The following TAS2R10 variants were observed in gnomAD, a reference collection of about 807,000 sequenced individuals.
TAS2R10 encodes the protein taste receptor type 2 member 10.
For missense variants in TAS2R10, 385 were observed against 362.0 expected, an observed-to-expected ratio of 1.06 and a Z score of -0.52; for synonymous variants, 144 against 126.6, an observed-to-expected ratio of 1.14 and a Z score of -0.92.
rs76754378 is a variant in TAS2R10 at position 10,825,579 on chromosome 12, A to G, written c.691T>C (p.Ser231Pro). ...TACAAGATAAAGAGGATGATGAAAG[A>G]TATCAAAACTTTCATTGCCTTCACA... is the stretch of plus-strand genomic sequence containing the variant. Residue 231 changes from serine (S) to proline (P), a missense_variant, in exon 1 of 1, where the codon TCT becomes CCT. Ser to Pro is a moderately conservative substitution (Grantham distance 74, BLOSUM62 -1). Transcript: ENST00000240619. The G allele has an allele frequency of 1.5e-4, 250 of 1,613,620 alleles. 1 individual carries two copies. The African/African-American group carries it at 2.5e-3, about 16-fold the overall frequency.
In TAS2R10 at chr12:10,825,757, G is replaced by A. The variant is rs753376040; in HGVS notation, c.513C>T (p.Tyr171=). Residue 171 remains tyrosine (Y), a synonymous_variant, in exon 1 of 1, where the codon TAC becomes TAT. Coordinates refer to ENST00000240619, the Ensembl canonical transcript of TAS2R10. Reference sequence around the variant, plus strand: ...GATTTAGCAAAATCTGTTTAATAAAGTATTCACTTTTATACATGTTGAGAT... The same window carrying A: ...GATTTAGCAAAATCTGTTTAATAAAATATTCACTTTTATACATGTTGAGAT... 29 of 1,613,106 alleles carry A rather than the reference G, an allele frequency of 1.8e-5. No individual in the cohort carries two copies. In the South Asian group the frequency reaches 3.0e-4, roughly 16 times the overall value.
Position 10,826,242 on chromosome 12 carries a change from T to C in TAS2R10, c.28A>G (p.Ile10Val), listed in dbSNP as rs1387971623. 3.1e-6 allele frequency: 5 copies of C among 1,610,766 alleles called. No individual in the cohort carries two copies. The Admixed American group carries it at 5.0e-5, about 16-fold the overall frequency. The change falls in exon 1 of 1, where the codon ATT (isoleucine) becomes GTT (valine). Residue 10 changes from isoleucine (I) to valine (V), a missense_variant. Transcript: ENST00000240619. Reference sequence around the variant, plus strand: ...ACTGACTCACTAACTACAACAAAAATGAAGATGCCTTCCACTACACGTAGC... The same window carrying C: ...ACTGACTCACTAACTACAACAAAAACGAAGATGCCTTCCACTACACGTAGC...
At chr12:10,826,281 C>G in exon 1 of TAS2R10, 1 of 1,557,378 alleles carries the variant, frequency 6.4e-7, no homozygotes, top group South Asian at 1.2e-5. Flanking sequence ...TCTGCTAATT[C>G]TTAATATTGC....
At chr12:10,825,568 G>T in exon 1 of TAS2R10, 1 of 1,613,620 alleles carries the variant, frequency 6.2e-7, no homozygotes, top group Non-Finnish European at 8.5e-7. Flanking sequence ...AGATAAAGAG[G>T]ATGATGAAAG....
chr12:10,825,634 T>C (rs747906041), exon 1 of TAS2R10: 2 of 1,613,788 alleles, frequency 1.2e-6, no homozygotes. Flanking sequence ...CTCTCAATCC[T>C]GTCACATTCG....
At chr12:10,825,484 T>A in exon 1 of TAS2R10, 1 of 1,613,714 alleles carries the variant, frequency 6.2e-7, no homozygotes, top group Non-Finnish European at 8.5e-7. Flanking sequence ...TGGTTGTCAT[T>A]CCAAACATAA....
At position 10,825,968 on chromosome 12, in the gene TAS2R10, C is replaced by T. The variant is rs753973485; in HGVS notation, c.302G>A (p.Ser101Asn). ...CTTCAGGAAATAGAAGATGCTGAGG[C>T]TGGTGGCAAACCACATACTTGATTG... is the stretch of plus-strand genomic sequence containing the variant. The change falls in exon 1 of 1, where the codon AGC becomes AAC. Residue 101 changes from serine to asparagine, a missense_variant. Physicochemically the swap from Ser to Asn is conservative, Grantham distance 46. Coordinates refer to ENST00000240619, the Ensembl canonical transcript of TAS2R10. The T allele has an allele frequency of 6.2e-6, 10 of 1,613,536 alleles. No individual in the cohort carries two copies. In the South Asian group the frequency reaches 1.1e-4, roughly 18 times the overall value.
At chr12:10,825,428 T>A in exon 1 of TAS2R10, 1 of 1,613,664 alleles carries the variant, frequency 6.2e-7, no homozygotes, top group Non-Finnish European at 8.5e-7. Context: ...TAGCTTGCTG[T>A]TTCCTAGAAT....
exon 1 of TAS2R10, chr12:10,825,809 T>C (rs375833716): frequency 6.2e-7 from 1 of 1,611,756 alleles, no homozygotes; most frequent in African/African-American, 1.3e-5. Context: ...CTTCGTTTTA[T>C]AATCATTAAG....
chr12:10,826,283 T>C, exon 1 of TAS2R10: 1 of 1,556,730 alleles, frequency 6.4e-7, no homozygotes, highest in Non-Finnish European at 8.8e-7. Flanking sequence ...TGCTAATTCT[T>C]AATATTGCTT....
exon 1 of TAS2R10, chr12:10,825,606 G>A: frequency 6.2e-7 from 1 of 1,613,726 alleles, no homozygotes; most frequent in Non-Finnish European, 8.5e-7. Context: ...GCCTTCACAT[G>A]AGCTTCTGTG....
At chr12:10,825,332 T>A (rs377560890) in exon 1 of TAS2R10, 1 of 1,578,102 alleles carries the variant, frequency 6.3e-7, no homozygotes, top group Non-Finnish European at 8.6e-7. Context: ...AACATCCATC[T>A]CTTCCCAAGG....
chr12:10,826,089 T>C lies in TAS2R10; in HGVS notation c.181A>G (p.Ile61Val), dbSNP rs758654477. Residue 61 changes from isoleucine (I) to valine (V), a missense_variant, in exon 1 of 1, where the codon ATA becomes GTA. Ile to Val is a conservative substitution (Grantham distance 29). Coordinates refer to ENST00000240619, the Ensembl canonical transcript of TAS2R10. ...ATCTGTATAAATCCATCTGTAATTA[T>C]TATCCATATCAGAAAAATTCTTGAA... is the stretch of plus-strand genomic sequence containing the variant. 1.2e-6 allele frequency: 2 copies of C among 1,613,370 alleles called. No individual in the cohort carries two copies. Among genetic ancestry groups the C allele is most frequent in the Admixed American group, 3.3e-5 (2 of 59,874 alleles).
At chr12:10,826,155 T>C (rs752799013) in exon 1 of TAS2R10, 3 of 1,613,420 alleles carry the variant, frequency 1.9e-6, no homozygotes, top group South Asian at 2.2e-5. Flanking sequence ...GTAGATAACT[T>C]ATTCTTGGCA....
At chr12:10,825,402 T>A in exon 1 of TAS2R10, 1 of 1,613,502 alleles carries the variant, frequency 6.2e-7, no homozygotes, top group East Asian at 2.2e-5. Flanking sequence ...TGCAGTACCC[T>A]CAAAGAGGCT....
exon 1 of TAS2R10, chr12:10,825,877 G>A (rs1304841936): frequency 1.9e-6 from 3 of 1,613,140 alleles, no homozygotes; most frequent in East Asian, 2.2e-5. Context: ...ATACTATCAT[G>A]AAGGGAAGAA....
chr12:10,826,024 T>G, exon 1 of TAS2R10: 1 of 1,613,380 alleles, frequency 6.2e-7, no homozygotes. Flanking sequence ...AACTAATATA[T>G]TCAATTAGGT....
exon 1 of TAS2R10, chr12:10,825,665 C>G (rs1371833356): frequency 6.2e-7 from 1 of 1,613,586 alleles, no homozygotes; most frequent in East Asian, 2.2e-5. Context: ...CCTGTTGTGT[C>G]TCCAAAGGGA....
chr12:10,826,263 G>C (rs201235220), exon 1 of TAS2R10: 6 of 1,597,664 alleles, frequency 3.8e-6, no homozygotes, highest in Non-Finnish European at 3.4e-6. Context: ...TCCACTACAC[G>C]TAGCATATCT....
Sources: gnomAD v4.1 joint callset for allele counts on GRCh38, gnomAD v4.1.1 for gene constraint, MANE v1.5 for transcripts, NCBI Gene and HGNC (gene_info 2026-07-23, HGNC 2026-07-21) for gene names.